The following CCDC171 variants were observed in gnomAD, a reference collection of about 807,000 sequenced individuals.
The protein encoded by CCDC171 is coiled-coil domain-containing protein 171.
CCDC171 carries 177 observed loss-of-function variants against 168.2 expected under a neutral mutation model. The observed-to-expected ratio is 1.05, with a 90% CI of 0.93 to 1.19. The LOEUF (loss-of-function observed/expected upper bound fraction) is 1.19, where lower values mean the gene tolerates loss of function less well. CCDC171 is among the 50% of genes most tolerant of loss of function. The pLI is 0.00. For missense variants in CCDC171, 1,991 were observed against 1,539.0 expected (o/e 1.29, Z -4.91); for synonymous variants, 687 against 540.8 (o/e 1.27, Z -3.75).
Position 15,744,563 on chromosome 9 carries a change from G to C in CCDC171, c.2340G>C (p.Glu780Asp), listed in dbSNP as rs145471342. 1.5e-4 allele frequency: 244 copies of C among 1,614,066 alleles called. 1 individual carries two copies. The highest frequency in any genetic ancestry group is 2.0e-4 in the Non-Finnish European group (238 of 1,180,038). ...TAGCCCAGGCTTTGTCAACTGTAGA[G>C]GAAAAGAAGCAAGAGGAAGCCAAGA... ...RTLAQALSTVEEKKQEEAKMK... is the reference protein window; with the variant it reads ...RTLAQALSTVDEKKQEEAKMK... Residue 780 changes from glutamate to aspartate, a missense_variant, in exon 17 of 26, where the codon GAG becomes GAC. Coordinates refer to ENST00000380701, the MANE Select transcript of CCDC171 (RefSeq NM_173550.4).
chr9:16,084,123 C>A, the CCDC171 span, among the ~76,000 whole-genome samples: 1 of 152,182 alleles, frequency 6.6e-6, no homozygotes, highest in African/African-American at 2.4e-5. Flanking sequence ...GAGCTATTAA[C>A]GTTTGAAATC....
At chr9:15,795,284 C>G (rs750345140) in intron 21 of CCDC171, among the ~76,000 whole-genome samples, 1 of 152,130 alleles carries the variant, frequency 6.6e-6, no homozygotes, top group Non-Finnish European at 1.5e-5. Context: ...CTAACTCACT[C>G]CCATGATAAC....
At chr9:15,701,657 G>A (rs1296874108) in intron 11 of CCDC171, among the ~76,000 whole-genome samples, 3 of 146,354 alleles carry the variant, frequency 2.0e-5, no homozygotes, top group East Asian at 4.1e-4. Flanking sequence ...TTGGCTCACT[G>A]CAACCTCCGC....
chr9:15,779,212 C>A, intron 20 of CCDC171, 62 bp downstream of exon 20: 1 of 943,356 alleles, frequency 1.1e-6, no homozygotes, highest in African/African-American at 1.7e-5. Context: ...ATCTCTATAT[C>A]CTTTTTTCCT....
At chr9:15,787,552 C>T (rs1476701900) in intron 21 of CCDC171, among the ~76,000 whole-genome samples, 2 of 151,964 alleles carry the variant, frequency 1.3e-5, no homozygotes, top group Non-Finnish European at 2.9e-5. Flanking sequence ...TTCTCCGTCT[C>T]CTTTTGCTAT....
the CCDC171 span, among the ~76,000 whole-genome samples, chr9:16,069,749 G>T: frequency 3.3e-5 from 5 of 152,158 alleles, no homozygotes; most frequent in African/African-American, 1.2e-4. Flanking sequence ...ACAGCCTAAG[G>T]CGGTGAGAGC....
chr9:16,040,418 C>T (rs1436726666), upstream of CCDC171, among the ~76,000 whole-genome samples: 2 of 152,222 alleles, frequency 1.3e-5, no homozygotes, highest in Non-Finnish European at 2.9e-5. Context: ...TGTCTCTGGG[C>T]TGGAGCTCAT....
At chr9:15,555,155 C>T (rs2038686025) in intron 1 of CCDC171, among the ~76,000 whole-genome samples, 1 of 152,102 alleles carries the variant, frequency 6.6e-6, no homozygotes, top group African/African-American at 2.4e-5. Flanking sequence ...TCACTGATCC[C>T]TTGGCCTCAA....
At chr9:16,098,828 A>G in the CCDC171 span, among the ~76,000 whole-genome samples, 8 of 152,182 alleles carry the variant, frequency 5.3e-5, no homozygotes, top group African/African-American at 1.9e-4. Flanking sequence ...CAGAGAAAGC[A>G]TCTAAATTGG....
chr9:15,569,630 A>G (rs1261288617), intron 2 of CCDC171, among the ~76,000 whole-genome samples: 1 of 151,722 alleles, frequency 6.6e-6, no homozygotes, highest in Non-Finnish European at 1.5e-5. Flanking sequence ...CCTGGCTAAC[A>G]CGGTGAAACC....
chr9:15,792,372 G>A (rs944526614), intron 21 of CCDC171, among the ~76,000 whole-genome samples: 6 of 152,160 alleles, frequency 3.9e-5, no homozygotes, highest in Non-Finnish European at 8.8e-5. Context: ...GTGACGGGGA[G>A]AATGGAACCA....
At chr9:15,922,615 A>T (rs1410607573) in intron 25 of CCDC171, among the ~76,000 whole-genome samples, 1 of 151,620 alleles carries the variant, frequency 6.6e-6, no homozygotes, top group African/African-American at 2.4e-5. Flanking sequence ...ATCACATGAT[A>T]GTTCTAGTTT....
At chr9:15,866,364 G>A (rs2061785269) in intron 23 of CCDC171, among the ~76,000 whole-genome samples, 1 of 151,918 alleles carries the variant, frequency 6.6e-6, no homozygotes, top group African/African-American at 2.4e-5. Context: ...GGCTAGATGG[G>A]GGCTCAGAAG....
chr9:15,968,747 C>T (rs1423258798), intron 25 of CCDC171, among the ~76,000 whole-genome samples: 1 of 152,082 alleles, frequency 6.6e-6, no homozygotes, highest in Non-Finnish European at 1.5e-5. Flanking sequence ...CCATGTTGGC[C>T]AGGCTGGTCT....
intron 6 of CCDC171, among the ~76,000 whole-genome samples, chr9:15,605,920 A>G (rs886282630): frequency 1.3e-5 from 2 of 152,144 alleles, no homozygotes; most frequent in Non-Finnish European, 2.9e-5. Flanking sequence ...TTCCTAACAT[A>G]CTGTAGCCTT....
intron 3 of CCDC171, among the ~76,000 whole-genome samples, chr9:16,016,779 C>G (rs1005288733): frequency 1.3e-5 from 2 of 152,214 alleles, no homozygotes. Flanking sequence ...CTGCCACCTT[C>G]TACTCTAATG....
intron 6 of CCDC171, among the ~76,000 whole-genome samples, chr9:15,600,872 G>A (rs1050763966): frequency 3.3e-5 from 5 of 152,224 alleles, no homozygotes; most frequent in Non-Finnish European, 5.9e-5. Flanking sequence ...CCACCTTGCA[G>A]TTGGATTTCA....
At chr9:15,638,157 G>C (rs538579958) in intron 7 of CCDC171, among the ~76,000 whole-genome samples, 1 of 152,266 alleles carries the variant, frequency 6.6e-6, no homozygotes, top group South Asian at 2.1e-4. Context: ...AGGTAGTCTA[G>C]ATAGTCTTTA....
chr9:15,894,938 A>T (rs548255998), intron 24 of CCDC171, among the ~76,000 whole-genome samples: 1 of 152,242 alleles, frequency 6.6e-6, no homozygotes, highest in South Asian at 2.1e-4. Flanking sequence ...AGCACCTAGA[A>T]CATAATGGGT....
Sources: allele counts gnomAD v4.1 joint callset (sites outside exome capture counted in the v4.1 genomes callset), GRCh38; gene constraint gnomAD v4.1.1; transcripts MANE v1.5; gene names NCBI Gene and HGNC (gene_info 2026-07-23, HGNC 2026-07-21).